The following PITPNM2 variants were observed in gnomAD, a reference collection of about 807,000 sequenced individuals.
The protein encoded by PITPNM2 is phosphatidylinositol transfer protein membrane associated 2, also known as membrane-associated phosphatidylinositol transfer protein 2.
In PITPNM2, 35 loss-of-function variants were observed where a neutral mutation model predicts 132.2. That is an observed-to-expected ratio of 0.26 (90% CI 0.20 to 0.35). The LOEUF (loss-of-function observed/expected upper bound fraction) is 0.35. Ranked by LOEUF, PITPNM2 falls within the 10% of genes least tolerant of loss-of-function variation. The probability of loss-of-function intolerance (pLI) is 1.00; values close to 1 mark genes in which losing one functional copy is unlikely to be tolerated. For synonymous variants in PITPNM2, 738 were observed against 799.2 expected, an observed-to-expected ratio of 0.92 and a Z score of 1.29; for missense variants, 1,332 against 1,912.0, an observed-to-expected ratio of 0.70 and a Z score of 5.66.
At chr12:123,149,097 A>C (rs933055223) in intron 1 of PITPNM2, among the ~76,000 whole-genome samples, 2 of 152,228 alleles carry the variant, frequency 1.3e-5, no homozygotes, top group East Asian at 1.9e-4. Context: ...CATAAGGTGC[A>C]ACCAAAACCA....
rs1165081708 is a variant in PITPNM2 at position 123,036,361 on chromosome 12, C to T, written c.-95-1676G>A. Among the ~76,000 whole-genome samples, 2 of 152,166 alleles carry T rather than the reference C, an allele frequency of 1.3e-5. No homozygotes were observed. The highest frequency in any genetic ancestry group is 4.8e-5 in the African/African-American group (2 of 41,436). Reference sequence around the variant, plus strand: ...CCCTTGTGCTAGCCTAAAACAGCGGCTCCCAGTTGTTTAGTTCACAGCAGG... The same window carrying T: ...CCCTTGTGCTAGCCTAAAACAGCGGTTCCCAGTTGTTTAGTTCACAGCAGG... On this transcript the variant is annotated intron_variant, in intron 2 of 25. Transcript: ENST00000320201. This position sits in a 1 kb window ranked among gnomAD's most constrained non-coding sequence, Gnocchi z 4.1.
In PITPNM2 at chr12:122,987,390, G is replaced by A; in HGVS notation, c.3304C>T (p.Pro1102Ser). Residue 1102 changes from proline to serine, a missense_variant, in exon 23 of 26, where the codon CCC becomes TCC. Transcript: ENST00000320201. ...TFADSYITVL[P>S]KGTEFVVFSI... ...AAGACCACGAACTCTGTGCCCTTGG[G>A]CAGCACGGTGATGTAGCTGTCGGCA... 1.2e-6 allele frequency: 2 copies of A among 1,613,784 alleles called. No individual in the cohort carries two copies. Among genetic ancestry groups the A allele is most frequent in the Non-Finnish European group, 1.7e-6 (2 of 1,180,026 alleles).
At chr12:123,129,930 G>C (rs963323592) in intron 1 of PITPNM2, among the ~76,000 whole-genome samples, 2 of 151,142 alleles carry the variant, frequency 1.3e-5, no homozygotes, top group African/African-American at 2.4e-5. Context: ...TTTGAGATGA[G>C]GTCTTGCTCT....
At chr12:123,013,180 A>G (rs2039281484) in intron 4 of PITPNM2, among the ~76,000 whole-genome samples, 1 of 152,218 alleles carries the variant, frequency 6.6e-6, no homozygotes, top group Non-Finnish European at 1.5e-5. Context: ...GGAAGAGGAA[A>G]AAGCTCCGTG....
At position 123,078,208 on chromosome 12, in the gene PITPNM2, G is replaced by A. The variant is rs1045571437; in HGVS notation, c.-96+32177C>T. Among the ~76,000 whole-genome samples the A allele has an allele frequency of 6.6e-6, 1 of 152,300 alleles. No homozygotes were observed. Among genetic ancestry groups the A allele is most frequent in the Middle Eastern group, 3.4e-3 (1 of 294 alleles). On this transcript the variant is annotated intron_variant, in intron 2 of 25. Transcript: ENST00000320201. This position sits in a 1 kb window ranked among gnomAD's most constrained non-coding sequence, Gnocchi z 7.3. ...GGGAGCCGCTGGCAGAGCCCAAGGC[G>A]GGCGGAGGAGCCATATGCCAGAGGG... is the stretch of plus-strand genomic sequence containing the variant.
rs2039251320 is a variant in PITPNM2 at position 123,012,481 on chromosome 12, C to T, written c.415+132G>A. 2.4e-6 allele frequency: 3 copies of T among 1,262,068 alleles called. 1 individual carries two copies. The highest frequency in any genetic ancestry group is 5.2e-4 in the Middle Eastern group (2 of 3,840). The allele number at this position is 1,262,068 out of a possible 1,614,324, so 78.2% of individuals were successfully genotyped here. A position where few individuals can be genotyped will look rare whatever the true frequency, so the allele number is the denominator to read the frequency against. On this transcript the variant is annotated intron_variant, in intron 5 of 25. Coordinates refer to ENST00000320201, the MANE Select transcript of PITPNM2 (RefSeq NM_020845.3). ...CCCATGGGCCCCATGCTTGCTCCAA[C>T]TCTGACCTGCCTGCCCAGGACAGGG... is the stretch of plus-strand genomic sequence containing the variant.
intron 3 of PITPNM2, among the ~76,000 whole-genome samples, chr12:123,027,129 C>T (rs1234772783): frequency 2.6e-5 from 4 of 152,040 alleles, no homozygotes; most frequent in Non-Finnish European, 4.4e-5. Context: ...CCCACCTGTC[C>T]CTCATCTCTC....
chr12:123,149,695 T>C (rs1467599784), intron 1 of PITPNM2: 1 of 152,498 alleles, frequency 6.6e-6, no homozygotes, highest in African/African-American at 2.4e-5. Flanking sequence ...GAGATACAGA[T>C]AGCAGGCAGT....
chr12:123,148,937 A>T (rs2043673514), intron 1 of PITPNM2, among the ~76,000 whole-genome samples: 1 of 152,144 alleles, frequency 6.6e-6, no homozygotes, highest in Non-Finnish European at 1.5e-5. Context: ...GAGGGAGGGC[A>T]TGGGAGCACC....
Position 123,005,590 on chromosome 12 carries a change from G to A in PITPNM2, c.644-42C>T. The A allele has an allele frequency of 1.5e-5, 24 of 1,585,860 alleles. No homozygotes were observed. The highest frequency in any genetic ancestry group is 2.0e-5 in the Non-Finnish European group (23 of 1,164,778). ...TCAGAGAGGGAGAGACGAGGGGAGG[G>A]AGGTCAGCGCAGGAGCCTGCACGGA... On this transcript the variant is annotated intron_variant, in intron 6 of 25. Coordinates refer to ENST00000320201, the MANE Select transcript of PITPNM2 (RefSeq NM_020845.3). This position sits in a 1 kb window ranked among gnomAD's most constrained non-coding sequence, Gnocchi z 6.2.
Position 123,139,528 on chromosome 12 carries a change from G to C in PITPNM2, c.-200+11225C>G, listed in dbSNP as rs564852266. ...AAAAAAAAAAAAACAACAGACAACT[G>C]CACATCTCTGCCTTCTTTCCTGCTC... On this transcript the variant is annotated intron_variant, in intron 1 of 25. Coordinates refer to ENST00000320201, the MANE Select transcript of PITPNM2 (RefSeq NM_020845.3). 3.2e-4 allele frequency among the ~76,000 whole-genome samples: 48 copies of C among 150,974 alleles called. No homozygotes were observed. The South Asian group carries it at 9.6e-3, about 30-fold the overall frequency.
chr12:123,065,986 C>T (rs530072746), intron 2 of PITPNM2, among the ~76,000 whole-genome samples: 10 of 152,332 alleles, frequency 6.6e-5, no homozygotes, highest in African/African-American at 2.4e-4. Context: ...GAGACTCACC[C>T]AAGGTCTGCA....
Position 123,111,002 on chromosome 12 carries a change from C to A in PITPNM2, c.-199-514G>T, listed in dbSNP as rs964907771. 6.6e-6 allele frequency among the ~76,000 whole-genome samples: 1 copy of A among 152,216 alleles called. No homozygotes were observed. Among genetic ancestry groups the A allele is most frequent in the Non-Finnish European group, 1.5e-5 (1 of 68,038 alleles). On this transcript the variant is annotated intron_variant, in intron 1 of 25. Coordinates refer to ENST00000320201, the MANE Select transcript of PITPNM2 (RefSeq NM_020845.3). The surrounding 1 kb of genome is among the most constrained non-coding windows in gnomAD (Gnocchi z 4.1). ...AAATGGCTTCCAGCCTTCCAGCAAG[C>A]CCCTCCAGCTGGGCAGAGTGTGATC... is the stretch of plus-strand genomic sequence containing the variant.
chr12:123,107,574 G>A (rs1215578652), intron 2 of PITPNM2, among the ~76,000 whole-genome samples: 2 of 152,176 alleles, frequency 1.3e-5, no homozygotes, highest in African/African-American at 4.8e-5. Flanking sequence ...CCCTTGTGGA[G>A]GAGAGAGGAG....
intron 6 of PITPNM2, among the ~76,000 whole-genome samples, chr12:123,006,876 T>C (rs1260740648): frequency 1.3e-5 from 2 of 152,144 alleles, no homozygotes; most frequent in South Asian, 2.1e-4. Flanking sequence ...TGCCCAGCTG[T>C]GAATATACTA....
intron 1 of PITPNM2, among the ~76,000 whole-genome samples, chr12:123,145,007 G>A (rs1319305429): frequency 6.6e-6 from 1 of 152,106 alleles, no homozygotes; most frequent in East Asian, 1.9e-4. Context: ...GTTTGAAGAG[G>A]GACTTTATAG....
At position 123,144,133 on chromosome 12, in the gene PITPNM2, T is replaced by C. The variant is rs926068834; in HGVS notation, c.-200+6620A>G. Reference sequence around the variant, plus strand: ...CCTGATGGCACATTCCCTGCTGAGGTTGAACGAGGGGACATCCTCTATCTT... The same window carrying C: ...CCTGATGGCACATTCCCTGCTGAGGCTGAACGAGGGGACATCCTCTATCTT... On this transcript the variant is annotated intron_variant, in intron 1 of 25. Transcript: ENST00000320201. Among the ~76,000 whole-genome samples the C allele has an allele frequency of 8.5e-5, 13 of 152,224 alleles. 1 individual carries two copies. Among genetic ancestry groups the C allele is most frequent in the Admixed American group, 6.5e-4 (10 of 15,282 alleles).
At chr12:123,128,930 T>C (rs2043204715) in intron 1 of PITPNM2, among the ~76,000 whole-genome samples, 1 of 149,516 alleles carries the variant, frequency 6.7e-6, no homozygotes, top group African/African-American at 2.5e-5. Context: ...AGGTCAGGAG[T>C]TCAAGATTAG....
chr12:123,130,102 G>A (rs1259008225), intron 1 of PITPNM2, among the ~76,000 whole-genome samples: 1 of 152,012 alleles, frequency 6.6e-6, no homozygotes. Flanking sequence ...ATGGGGTCTC[G>A]ATAAGTCGCC....
Sources: gnomAD v4.1 joint callset for allele counts (sites outside exome capture counted in the v4.1 genomes callset) on GRCh38, gnomAD v4.1.1 for gene constraint, Gnocchi (gnomAD v3.1) non-coding constraint, MANE v1.5 for transcripts, NCBI Gene and HGNC (gene_info 2026-07-23, HGNC 2026-07-21) for gene names.